The following WDTC1 variants were observed in gnomAD, a reference collection of about 807,000 sequenced individuals.
The protein encoded by WDTC1 is WD and tetratricopeptide repeats 1.
WDTC1 carries 12 observed loss-of-function variants against 76.0 expected under a neutral mutation model. The observed-to-expected ratio is 0.16, with a 90% CI of 0.10 to 0.26. The LOEUF (loss-of-function observed/expected upper bound fraction) is 0.26. Among genes scored for constraint, WDTC1 ranks in the 10% least tolerant of loss-of-function variants. WDTC1 has a pLI of 1.00. For synonymous variants in WDTC1, 326 were observed against 350.8 expected (o/e 0.93, Z 0.79); for missense variants, 511 against 908.8 (o/e 0.56, Z 5.63).
intron 1 of WDTC1, among the ~76,000 whole-genome samples, chr1:27,243,338 C>T (rs1557475283): frequency 6.6e-6 from 1 of 151,460 alleles, no homozygotes; most frequent in Non-Finnish European, 1.5e-5. Flanking sequence ...TCAGCCTCCC[C>T]AGCAGCTGGG....
intron 1 of WDTC1, among the ~76,000 whole-genome samples, chr1:27,246,379 ATGT>A (rs1258645975): frequency 2.6e-5 from 4 of 152,242 alleles, no homozygotes; most frequent in Admixed American, 6.5e-5. Flanking sequence ...AGTTTCTTCC[ATGT>A]TGTTGTATGA....
At position 27,305,273 on chromosome 1, in the gene WDTC1, G is replaced by T; in HGVS notation, c.1836+80G>T. ...GTGGAGCCTGCTAGCGCAGGGAAGA[G>T]AAATGAGCCACCCAGAGGCTAGAAG... On this transcript the variant is annotated intron_variant, in intron 15 of 15. Coordinates refer to ENST00000319394, the MANE Select transcript of WDTC1 (RefSeq NM_001276252.2). The surrounding 1 kb of genome is among the most constrained non-coding windows in gnomAD (Gnocchi z 4.6). 1 of 1,489,206 alleles carries T rather than the reference G, an allele frequency of 6.7e-7. No individual in the cohort carries two copies. Among genetic ancestry groups the T allele is most frequent in the Non-Finnish European group, 9.0e-7 (1 of 1,117,050 alleles). 92.2% of individuals were successfully genotyped at this position (1,489,206 alleles called of 1,614,324 possible).
intron 1 of WDTC1, among the ~76,000 whole-genome samples, chr1:27,235,504 C>T (rs553792059): frequency 2.0e-5 from 3 of 150,918 alleles, no homozygotes; most frequent in African/African-American, 7.3e-5. Flanking sequence ...TTCCACCAGG[C>T]GACTGTAGCA....
chr1:27,284,846 A>G (rs2013287872), intron 5 of WDTC1, among the ~76,000 whole-genome samples: 1 of 151,776 alleles, frequency 6.6e-6, no homozygotes, highest in Admixed American at 6.6e-5. Context: ...TATTTAACTC[A>G]TGCGCTCCCC....
rs1206639236 is a variant in WDTC1, at chr1:27,303,083, G to A, written c.1469-538G>A. Among the ~76,000 whole-genome samples, 1 of 152,084 alleles carries A rather than the reference G, an allele frequency of 6.6e-6. No individual in the cohort carries two copies. The highest frequency in any genetic ancestry group is 1.5e-5 in the Non-Finnish European group (1 of 68,016). ...AGGTCAGGAGTTTGAGACCAGCCTG[G>A]CCAATGTGGCGAAACCCCGTCTCTA... On this transcript the variant is annotated intron_variant, in intron 13 of 15. Transcript: ENST00000319394. The surrounding 1 kb of genome is among the most constrained non-coding windows in gnomAD (Gnocchi z 4.8).
At chr1:27,242,257 G>A (rs192911886) in intron 1 of WDTC1, among the ~76,000 whole-genome samples, 28 of 151,978 alleles carry the variant, frequency 1.8e-4, no homozygotes, top group African/African-American at 5.5e-4. Flanking sequence ...TTGAGGCCTG[G>A]ACTTCAAGAA....
chr1:27,305,309 AG>A lies in WDTC1; in HGVS notation c.1836+117del. 1 of 1,294,364 alleles carries A rather than the reference AG, an allele frequency of 7.7e-7. No individual in the cohort carries two copies. The highest frequency in any genetic ancestry group is 2.6e-5 in the East Asian group (1 of 39,150). The allele number at this position is 1,294,364 out of a possible 1,614,324, so 80.2% of individuals were successfully genotyped here. ...CCCAGAGGCTAGAAGCTGCTAAGTA[AG>A]CCTTACCCCGGGGCCCAAGGCTGTG... On this transcript the variant is annotated intron_variant, in intron 15 of 15. Transcript: ENST00000319394. This position sits in a 1 kb window ranked among gnomAD's most constrained non-coding sequence, Gnocchi z 4.6.
At chr1:27,251,241 T>C (rs2012049570) in intron 1 of WDTC1, among the ~76,000 whole-genome samples, 1 of 151,528 alleles carries the variant, frequency 6.6e-6, no homozygotes. Flanking sequence ...GATAGGCTTA[T>C]AGAAGAAAGT....
At chr1:27,253,831 T>C (rs1244630456) in intron 1 of WDTC1, among the ~76,000 whole-genome samples, 1 of 152,212 alleles carries the variant, frequency 6.6e-6, no homozygotes, top group Non-Finnish European at 1.5e-5. Context: ...TTTAATCATA[T>C]ATGTAACTTT....
chr1:27,259,304 C>T (rs1249379447), intron 1 of WDTC1, among the ~76,000 whole-genome samples: 5 of 147,082 alleles, frequency 3.4e-5, no homozygotes, highest in Non-Finnish European at 7.5e-5. Context: ...GGACTACAGG[C>T]GCATGCCACC....
At chr1:27,297,804 TC>T (rs1405428494) in intron 11 of WDTC1, 133 bp from the exon 12 acceptor site, 4 of 856,686 alleles carry the variant, frequency 4.7e-6, no homozygotes, top group Admixed American at 3.2e-5. Flanking sequence ...AGGGTAGTGG[TC>T]CCCTCTTCCA....
intron 1 of WDTC1, among the ~76,000 whole-genome samples, chr1:27,239,075 T>A (rs527429768): frequency 1.3e-5 from 2 of 149,022 alleles, no homozygotes; most frequent in African/African-American, 4.9e-5. Context: ...GCTAATTTTT[T>A]AATTTTTTCA....
chr1:27,274,184 G>A lies in WDTC1; in HGVS notation c.133-8055G>A, dbSNP rs139417599. ...TGTGTGCTTGTACTCCCAGCTACTAGGGAGTCTAACATGGGAGGATTGCTT... is the reference window on the plus strand; with the variant it reads ...TGTGTGCTTGTACTCCCAGCTACTAAGGAGTCTAACATGGGAGGATTGCTT... On this transcript the variant is annotated intron_variant, in intron 3 of 15. Transcript: ENST00000319394. The surrounding 1 kb of genome is among the most constrained non-coding windows in gnomAD (Gnocchi z 4.2). Among the ~76,000 whole-genome samples, 177 of 151,730 alleles carry A rather than the reference G, an allele frequency of 1.2e-3. No homozygotes were observed. The highest frequency in any genetic ancestry group is 4.0e-3 in the African/African-American group (165 of 41,364).
At chr1:27,284,510 C>T (rs1455915558) in intron 5 of WDTC1, among the ~76,000 whole-genome samples, 1 of 152,140 alleles carries the variant, frequency 6.6e-6, no homozygotes, top group Non-Finnish European at 1.5e-5. Flanking sequence ...CTATGATTCT[C>T]GCCTTTAGAG....
chr1:27,236,598 T>A (rs2011494752), intron 1 of WDTC1, among the ~76,000 whole-genome samples: 1 of 152,204 alleles, frequency 6.6e-6, no homozygotes, highest in Non-Finnish European at 1.5e-5. Flanking sequence ...TGTTAACAAC[T>A]ATTTACCAGT....
intron 1 of WDTC1, among the ~76,000 whole-genome samples, chr1:27,237,404 T>C (rs2011513360): frequency 6.6e-6 from 1 of 152,228 alleles, no homozygotes; most frequent in African/African-American, 2.4e-5. Context: ...AGTTATCTAT[T>C]CTGTTTCCTT....
intron 11 of WDTC1, among the ~76,000 whole-genome samples, chr1:27,297,594 C>T (rs185958590): frequency 3.2e-4 from 49 of 152,278 alleles, no homozygotes; most frequent in South Asian, 1.7e-3. Flanking sequence ...CTCTAGACAG[C>T]GATCCACAGG....
Position 27,297,155 on chromosome 1 carries a change from A to G in WDTC1, c.1057A>G (p.Ser353Gly). 1 of 1,600,274 alleles carries G rather than the reference A, an allele frequency of 6.2e-7. No individual in the cohort carries two copies. The highest frequency in any genetic ancestry group is 1.1e-5 in the South Asian group (1 of 89,824). Residue 353 changes from serine (S) to glycine (G), a missense_variant and splice_region_variant, in exon 11 of 16, where the codon AGC (serine) becomes GGC (glycine). Coordinates refer to ENST00000319394, the MANE Select transcript of WDTC1 (RefSeq NM_001276252.2). ...FRLPESRGHV[S>G]PQVELPPYLE... ...GCTGCCGGAGAGTAGGGGACATGTC[A>G]GGTGAGGCCAGCTGGCTTGTCCAGC...
At chr1:27,296,567 CAGAG>C (rs1450957816) in intron 10 of WDTC1, among the ~76,000 whole-genome samples, 166 bp downstream of exon 10, 3 of 152,184 alleles carry the variant, frequency 2.0e-5, no homozygotes, top group Non-Finnish European at 4.4e-5. Flanking sequence ...GACAATAGAG[CAGAG>C]ATCTCTTCAA....
Sources: gnomAD v4.1 joint callset for allele counts (sites outside exome capture counted in the v4.1 genomes callset) on GRCh38, gnomAD v4.1.1 for gene constraint, Gnocchi (gnomAD v3.1) non-coding constraint, MANE v1.5 for transcripts, NCBI Gene and HGNC (gene_info 2026-07-23, HGNC 2026-07-21) for gene names.